Variants in KLF17 observed in about 807,000 individuals in gnomAD.
KLF17 encodes Krueppel-like factor 17.
A neutral mutation model predicts 34.2 loss-of-function variants in KLF17; 31 were observed. The observed-to-expected ratio is 0.91, with a 90% CI of 0.68 to 1.22. The LOEUF (loss-of-function observed/expected upper bound fraction) is 1.22. KLF17 is among the 50% of genes most tolerant of loss of function. KLF17 has a pLI of 0.00. For synonymous variants in KLF17, 179 were observed against 186.7 expected (o/e 0.96, Z 0.34); for missense variants, 478 against 505.2 (o/e 0.95, Z 0.52).
At chr1:44,046,066 A>G in the KLF17 span, 1 of 151,802 alleles carries the variant, frequency 6.6e-6, no homozygotes, top group African/African-American at 2.4e-5. Flanking sequence ...ATCATGGAAC[A>G]TAAGAAAAAT....
chr1:44,047,713 T>C, the KLF17 span, among the ~76,000 whole-genome samples: 1 of 152,160 alleles, frequency 6.6e-6, no homozygotes, highest in East Asian at 1.9e-4. Flanking sequence ...TCCTTCCTTG[T>C]TCATATCACC....
At chr1:44,098,707 C>T in the KLF17 span, among the ~76,000 whole-genome samples, 3 of 151,438 alleles carry the variant, frequency 2.0e-5, no homozygotes, top group East Asian at 1.9e-4. Context: ...CCCACCACCA[C>T]GCCTGGCTAA....
chr1:44,134,504 GC>G lies in KLF17; in HGVS notation c.*1268del, dbSNP rs1366955505. 2.8e-5 allele frequency: 4 copies of G among 144,424 alleles called. No individual in the cohort carries two copies. Among genetic ancestry groups the G allele is most frequent in the African/African-American group, 9.9e-5 (4 of 40,348 alleles). 8.9% of individuals were successfully genotyped at this position (144,424 alleles called of 1,614,324 possible). A position where few individuals can be genotyped will look rare whatever the true frequency, so the allele number is the denominator to read the frequency against. On this transcript the variant is annotated 3_prime_UTR_variant, in exon 4 of 4. Transcript: ENST00000372299. ...ATCTCACCATTGCACTCCAGCCTGG[GC>G]GACTGAGCGAGACTCTATCTCAAAA... is the stretch of plus-strand genomic sequence containing the variant.
chr1:44,095,210 CTTTTTTTT>C, the KLF17 span, among the ~76,000 whole-genome samples: 1 of 119,332 alleles, frequency 8.4e-6, no homozygotes, highest in Non-Finnish European at 1.7e-5. Context: ...CTATTTATAT[CTTTTTTTT>C]TTTTTTTTTT....
At chr1:44,110,302 A>G in the KLF17 span, 1 of 152,246 alleles carries the variant, frequency 6.6e-6, no homozygotes, top group African/African-American at 2.4e-5. Context: ...GTAAAGGTAG[A>G]CAGACTATGC....
the KLF17 span, among the ~76,000 whole-genome samples, chr1:44,052,593 A>C: frequency 5.3e-5 from 8 of 152,216 alleles, no homozygotes; most frequent in East Asian, 1.4e-3. Flanking sequence ...TCTGTTTCCC[A>C]TTTGCAGCTT....
At chr1:44,118,662 GA>G (rs1434640131), upstream of KLF17, among the ~76,000 whole-genome samples, 4 of 106,214 alleles carry the variant, frequency 3.8e-5, no homozygotes, top group African/African-American at 1.5e-4. Context: ...TTCAAGGCCT[GA>G]AGTGGCTGGC....
At chr1:44,103,670 C>T in the KLF17 span, 1 of 1,610,172 alleles carries the variant, frequency 6.2e-7, no homozygotes, top group Middle Eastern at 2.0e-4. Flanking sequence ...CACGCAGCTG[C>T]CGCGCCATGT....
the KLF17 span, among the ~76,000 whole-genome samples, chr1:44,053,416 G>C: frequency 6.6e-6 from 1 of 152,018 alleles, no homozygotes; most frequent in South Asian, 2.1e-4. Context: ...TCCCCCATGA[G>C]GCCTGTGTCC....
the KLF17 span, among the ~76,000 whole-genome samples, chr1:44,053,089 T>C: frequency 1.3e-5 from 2 of 151,942 alleles, no homozygotes; most frequent in South Asian, 2.1e-4. Flanking sequence ...TTAGTAGAGA[T>C]GGGGTTTCAC....
chr1:44,079,534 C>T, the KLF17 span, among the ~76,000 whole-genome samples: 1 of 151,860 alleles, frequency 6.6e-6, no homozygotes, highest in Non-Finnish European at 1.5e-5. Flanking sequence ...AACTCCTGGG[C>T]TCAAGCGATC....
At chr1:44,109,970 C>T in the KLF17 span, among the ~76,000 whole-genome samples, 2 of 147,584 alleles carry the variant, frequency 1.4e-5, no homozygotes, top group Admixed American at 6.9e-5. Flanking sequence ...TGCAATGGCA[C>T]GATCTCGGCT....
chr1:44,102,647 A>G, the KLF17 span, among the ~76,000 whole-genome samples: 1 of 151,864 alleles, frequency 6.6e-6, no homozygotes, highest in South Asian at 2.1e-4. Flanking sequence ...AAAGAAAGTC[A>G]TAACACGAAC....
At chr1:44,082,238 A>C in the KLF17 span, among the ~76,000 whole-genome samples, 1 of 152,374 alleles carries the variant, frequency 6.6e-6, no homozygotes, top group Non-Finnish European at 1.5e-5. Flanking sequence ...TAATTGGGTA[A>C]TTGAGCAACT....
chr1:44,049,756 T>C, the KLF17 span, among the ~76,000 whole-genome samples: 5 of 152,252 alleles, frequency 3.3e-5, no homozygotes, highest in African/African-American at 1.2e-4. Context: ...GGGTTGGAAT[T>C]ACCAGCGTGA....
the KLF17 span, among the ~76,000 whole-genome samples, chr1:44,050,515 TGACTGCC>T: frequency 1.3e-5 from 2 of 152,202 alleles, no homozygotes; most frequent in Non-Finnish European, 2.9e-5. Flanking sequence ...GGCATAAACA[TGACTGCC>T]GAGCTGCCCT....
chr1:44,062,329 A>G, the KLF17 span, among the ~76,000 whole-genome samples: 1 of 152,204 alleles, frequency 6.6e-6, no homozygotes, highest in Non-Finnish European at 1.5e-5. Context: ...ATTTTATATT[A>G]TGCCTATATC....
At chr1:44,073,571 T>C in the KLF17 span, among the ~76,000 whole-genome samples, 2 of 151,972 alleles carry the variant, frequency 1.3e-5, no homozygotes, top group Non-Finnish European at 2.9e-5. Flanking sequence ...ATTTCTGAGA[T>C]CGATCCAGTA....
chr1:44,098,792 C>T, the KLF17 span, among the ~76,000 whole-genome samples: 15 of 152,120 alleles, frequency 9.9e-5, no homozygotes, highest in East Asian at 9.7e-4. Flanking sequence ...CCTTGTGATC[C>T]GCCCACCTCG....
Sources: gnomAD v4.1 joint callset for allele counts (sites outside exome capture counted in the v4.1 genomes callset) on GRCh38, gnomAD v4.1.1 for gene constraint, MANE v1.5 for transcripts, NCBI Gene and HGNC (gene_info 2026-07-23, HGNC 2026-07-21) for gene names.